Variants in HTR2A observed in about 807,000 individuals in gnomAD.
The protein encoded by HTR2A is 5-HT2 receptor.
Under a neutral mutation model 31.0 loss-of-function variants are expected in HTR2A, and 14 were observed. The observed-to-expected ratio is 0.45, with a 90% CI of 0.30 to 0.71. HTR2A has a LOEUF of 0.71. Among genes scored for constraint, HTR2A ranks in the 30% least tolerant of loss-of-function variants. HTR2A has a pLI of 0.09. For missense variants in HTR2A, 442 were observed against 573.3 expected, an observed-to-expected ratio of 0.77 and a Z score of 2.34; for synonymous variants, 209 against 225.2, an observed-to-expected ratio of 0.93 and a Z score of 0.64.
At chr13:46,852,534 C>T (rs1348066798) in intron 3 of HTR2A, among the ~76,000 whole-genome samples, 2 of 152,230 alleles carry the variant, frequency 1.3e-5, no homozygotes, top group African/African-American at 2.4e-5. Context: ...AAACGATGAG[C>T]TATGATGCCA....
At chr13:46,856,687 G>A (rs2138208491) in intron 3 of HTR2A, among the ~76,000 whole-genome samples, 1 of 152,298 alleles carries the variant, frequency 6.6e-6, no homozygotes, top group East Asian at 1.9e-4. Context: ...ATCCTGGGAT[G>A]AAAGTCCTTA....
rs919848764 is a variant in HTR2A at position 46,856,941 on chromosome 13, C to T, written c.614-21302G>A. On this transcript the variant is annotated intron_variant, in intron 3 of 3. Transcript: ENST00000542664. The stretch of plus-strand genomic sequence containing the variant: ...GCAGTGCAAGGTGCTGGGGGGAGCC[C>T]TAGCATCTTCATCCATTCAGGCTGC... Among the ~76,000 whole-genome samples the T allele has an allele frequency of 6.4e-4, 98 of 152,138 alleles. 1 individual carries two copies. Among genetic ancestry groups the T allele is most frequent in the Non-Finnish European group, 1.1e-3 (77 of 68,020 alleles).
In HTR2A at chr13:46,875,534, A is replaced by G. The variant is rs190690278; in HGVS notation, c.613+16856T>C. ...ACAGTAGATAATTGACTTTGAAGAC[A>G]TCACTTTTTAAAGTGCCACCATACT... On this transcript the variant is annotated intron_variant, in intron 3 of 3. Transcript: ENST00000542664. 2.3e-3 allele frequency among the ~76,000 whole-genome samples: 351 copies of G among 152,296 alleles called. 5 individuals are homozygous for G. The highest frequency in any genetic ancestry group is 5.6e-4 in the Non-Finnish European group (38 of 68,026).
Position 46,832,952 on chromosome 13 carries a change from CTG to C in HTR2A, c.*1883_*1884del, listed in dbSNP as rs1876299831. Reference sequence around the variant, plus strand: ...GTGTTATAATATCAAGGTGGATTAACTGTTGTTAATCTCTTTTTCTCTTTAGT... The same window carrying C: ...GTGTTATAATATCAAGGTGGATTAACTTGTTAATCTCTTTTTCTCTTTAGT... On this transcript the variant is annotated 3_prime_UTR_variant, in exon 4 of 4. Coordinates refer to ENST00000542664, the MANE Select transcript of HTR2A (RefSeq NM_000621.5). 6.6e-6 allele frequency: 1 copy of C among 152,080 alleles called. No individual in the cohort carries two copies. The highest frequency in any genetic ancestry group is 2.1e-4 in the South Asian group (1 of 4,824). The allele number at this position is 152,080 out of a possible 1,614,324, so 9.4% of individuals were successfully genotyped here.
intron 3 of HTR2A, among the ~76,000 whole-genome samples, chr13:46,875,396 A>C (rs1950900465): frequency 6.6e-6 from 1 of 152,216 alleles, no homozygotes; most frequent in African/African-American, 2.4e-5. Flanking sequence ...GTTCTTATTG[A>C]CACAGGCTAA....
intron 2 of HTR2A, among the ~76,000 whole-genome samples, chr13:46,894,628 T>A (rs545453718): frequency 6.6e-6 from 1 of 152,320 alleles, no homozygotes; most frequent in Non-Finnish European, 1.5e-5. Flanking sequence ...AACCTGTCTC[T>A]AAGCTCTGAG....
chr13:46,884,538 C>CCT (rs1297429828), intron 3 of HTR2A, among the ~76,000 whole-genome samples: 1 of 152,136 alleles, frequency 6.6e-6, no homozygotes, highest in Non-Finnish European at 1.5e-5. Context: ...GTGGTGCATA[C>CCT]CTGTAGTCCC....
intron 3 of HTR2A, among the ~76,000 whole-genome samples, chr13:46,880,430 C>G (rs1159650896): frequency 6.6e-6 from 1 of 152,138 alleles, no homozygotes; most frequent in Non-Finnish European, 1.5e-5. Context: ...CTTTAAATAG[C>G]CAGAAGCAAC....
intron 3 of HTR2A, among the ~76,000 whole-genome samples, chr13:46,884,171 G>A (rs1386208722): frequency 6.6e-6 from 1 of 152,232 alleles, no homozygotes; most frequent in African/African-American, 2.4e-5. Flanking sequence ...GACAGGCCGG[G>A]TGAAGTGGCT....
chr13:46,836,190 TA>T (rs141723986), intron 3 of HTR2A, among the ~76,000 whole-genome samples: 23,062 of 151,860 alleles, frequency 0.15, 1,862 homozygotes, highest in Admixed American at 0.2. Context: ...GTATCTTTTT[TA>T]AAAAATCTAA....
At chr13:46,863,114 A>G (rs899111949) in intron 3 of HTR2A, among the ~76,000 whole-genome samples, 4 of 152,234 alleles carry the variant, frequency 2.6e-5, no homozygotes, top group African/African-American at 9.6e-5. Flanking sequence ...TTTCTCAACA[A>G]TTAGTCAAAA....
chr13:46,862,488 G>T (rs1218296483), intron 3 of HTR2A, among the ~76,000 whole-genome samples: 1 of 152,142 alleles, frequency 6.6e-6, no homozygotes, highest in African/African-American at 2.4e-5. Flanking sequence ...TAGCCAGGGG[G>T]AAATGTATTG....
intron 3 of HTR2A, among the ~76,000 whole-genome samples, chr13:46,861,599 C>T (rs937446922): frequency 6.6e-6 from 1 of 152,242 alleles, no homozygotes; most frequent in African/African-American, 2.4e-5. Flanking sequence ...TTTGAACTTA[C>T]TGGCTTCTGT....
chr13:46,878,752 C>T (rs4942583), intron 3 of HTR2A, among the ~76,000 whole-genome samples: 2 of 152,148 alleles, frequency 1.3e-5, no homozygotes, highest in African/African-American at 4.8e-5. Flanking sequence ...AAGAGTAACA[C>T]TAGATGAGTA....
rs892770886 is a variant in HTR2A at position 46,831,591 on chromosome 13, A to G, written c.*3246T>C. On this transcript the variant is annotated 3_prime_UTR_variant, in exon 4 of 4. Transcript: ENST00000542664. ...ATTTACAGTTATTTATCCTTTCTTG[A>G]AAACTTTTAGCATCGCCTTGATTAA... 3 of 152,244 alleles carry G rather than the reference A, an allele frequency of 2.0e-5. No homozygotes were observed. Among genetic ancestry groups the G allele is most frequent in the African/African-American group, 7.2e-5 (3 of 41,472 alleles). 9.4% of individuals were successfully genotyped at this position (152,244 alleles called of 1,614,324 possible). A position where few individuals can be genotyped will look rare whatever the true frequency, so the allele number is the denominator to read the frequency against.
chr13:46,865,530 C>T (rs112158567), intron 3 of HTR2A, among the ~76,000 whole-genome samples: 1 of 152,156 alleles, frequency 6.6e-6, no homozygotes, highest in Non-Finnish European at 1.5e-5. Context: ...TGACCTAAAC[C>T]AGTCCTGGGT....
intron 3 of HTR2A, among the ~76,000 whole-genome samples, chr13:46,866,983 G>A (rs1421107607): frequency 1.3e-5 from 2 of 152,256 alleles, no homozygotes; most frequent in East Asian, 1.9e-4. Flanking sequence ...TCGAGATTGC[G>A]CCACTGCACT....
chr13:46,836,774 C>T (rs1441973798), intron 3 of HTR2A, among the ~76,000 whole-genome samples: 2 of 152,104 alleles, frequency 1.3e-5, no homozygotes, highest in African/African-American at 2.4e-5. Flanking sequence ...ATATTTATTA[C>T]GTAGATCTAA....
intron 3 of HTR2A, among the ~76,000 whole-genome samples, chr13:46,866,237 C>T (rs1365531865): frequency 2.6e-5 from 4 of 152,162 alleles, no homozygotes; most frequent in Non-Finnish European, 5.9e-5. Context: ...GAGGCAGGCC[C>T]ACACAGACTC....
Sources: gnomAD v4.1 joint callset for allele counts (sites outside exome capture counted in the v4.1 genomes callset) on GRCh38, gnomAD v4.1.1 for gene constraint, MANE v1.5 for transcripts, NCBI Gene and HGNC (gene_info 2026-07-23, HGNC 2026-07-21) for gene names.